Variants in SLC9C2 observed in about 807,000 individuals in gnomAD.
SLC9C2 encodes solute carrier family 9 member C2 (putative), also known as sodium/hydrogen exchanger 11.
A neutral mutation model predicts 140.2 loss-of-function variants in SLC9C2; 75 were observed. The ratio of observed to expected loss-of-function variants is 0.53; its 90% CI spans 0.44 to 0.65. The LOEUF (loss-of-function observed/expected upper bound fraction) is 0.65. SLC9C2 is among the 30% of genes least tolerant of loss of function. The probability of loss-of-function intolerance (pLI) is 0.00; values close to 1 mark genes in which losing one functional copy is unlikely to be tolerated. For synonymous variants in SLC9C2, 375 were observed against 420.9 expected (o/e 0.89, Z 1.34); for missense variants, 1,074 against 1,331.8 (o/e 0.81, Z 3.01).
rs146144836 is a variant in SLC9C2, at chr1:173,557,382, A to G, written c.1173T>C (p.Asp391=). 2.4e-3 allele frequency: 3,946 copies of G among 1,613,944 alleles called. 8 individuals carry two copies. The highest frequency in any genetic ancestry group is 3.1e-3 in the Non-Finnish European group (3,650 of 1,179,944). ...KGVFNLLWAP[D]VYNLAERKVE... is the part of the protein sequence containing the mutation. ...CTTTTCGTTCAGCGAGATTATAAAC[A>G]TCAGGAGCCCAGAGTAAATTAAAAA... The change falls in exon 10 of 28, where the codon GAT becomes GAC. Residue 391 remains aspartate (D), a synonymous_variant. Transcript: ENST00000367714.
intron 13 of SLC9C2, among the ~76,000 whole-genome samples, chr1:173,545,433 C>T (rs1207569388): frequency 1.3e-5 from 2 of 152,192 alleles, no homozygotes; most frequent in Admixed American, 1.3e-4. Flanking sequence ...TATGTGTGCC[C>T]AGATGGATTT....
intron 17 of SLC9C2, among the ~76,000 whole-genome samples, chr1:173,532,404 G>A (rs1661644678): frequency 1.3e-5 from 2 of 152,116 alleles, no homozygotes; most frequent in Non-Finnish European, 2.9e-5. Flanking sequence ...CAACTCCATT[G>A]GAAAGAGAGA....
chr1:173,505,095 G>A (rs1279396577), intron 26 of SLC9C2, 152 bp downstream of exon 26: 2 of 645,108 alleles, frequency 3.1e-6, no homozygotes, highest in Non-Finnish European at 5.4e-6. Flanking sequence ...ACCTCCCAGG[G>A]CAATGTGGCA....
At chr1:173,525,220 A>G (rs1047429924) in intron 19 of SLC9C2, among the ~76,000 whole-genome samples, 4 of 152,120 alleles carry the variant, frequency 2.6e-5, no homozygotes, top group African/African-American at 9.6e-5. Flanking sequence ...TCATGTTACT[A>G]TTTTTACTTC....
intron 23 of SLC9C2, among the ~76,000 whole-genome samples, chr1:173,515,893 T>A (rs1660382495): frequency 1.3e-5 from 2 of 152,196 alleles, no homozygotes; most frequent in Non-Finnish European, 2.9e-5. Flanking sequence ...TGCTTTCTGT[T>A]TTTCTTGCAA....
At chr1:173,519,703 C>T (rs1660667035) in intron 22 of SLC9C2, among the ~76,000 whole-genome samples, 1 of 152,206 alleles carries the variant, frequency 6.6e-6, no homozygotes, top group East Asian at 1.9e-4. Flanking sequence ...GTGTGTTTGT[C>T]CTAGAATTCT....
intron 8 of SLC9C2, 97 bp from the exon 9 acceptor site, chr1:173,573,422 G>T: frequency 1.1e-6 from 1 of 914,910 alleles, no homozygotes; most frequent in Non-Finnish European, 1.6e-6. Flanking sequence ...CTACCATGCT[G>T]TCTTAGCAGA....
chr1:173,594,924 G>C (rs1666360717), intron 4 of SLC9C2, among the ~76,000 whole-genome samples: 1 of 152,178 alleles, frequency 6.6e-6, no homozygotes, highest in Non-Finnish European at 1.5e-5. Flanking sequence ...TTTTGAGACA[G>C]AGTCTCGCTC....
chr1:173,508,875 G>A (rs1401061998), intron 24 of SLC9C2, among the ~76,000 whole-genome samples: 3 of 152,198 alleles, frequency 2.0e-5, no homozygotes, highest in Non-Finnish European at 4.4e-5. Context: ...CCTCCACAAA[G>A]ATTTTGAAAA....
At position 173,598,879 on chromosome 1, in the gene SLC9C2, G is replaced by A. The variant is rs544624381; in HGVS notation, c.229-847C>T. On this transcript the variant is annotated intron_variant, in intron 3 of 27. Transcript: ENST00000367714. ...AAGAAGCGTTTACAATCCTAGATGGGTACAAGCATTATCTCCATTTTTCAA... is the reference window on the plus strand; with the variant it reads ...AAGAAGCGTTTACAATCCTAGATGGATACAAGCATTATCTCCATTTTTCAA... Among the ~76,000 whole-genome samples, 3 of 152,284 alleles carry A rather than the reference G, an allele frequency of 2.0e-5. No individual in the cohort carries two copies. In the South Asian group the frequency reaches 6.2e-4, roughly 32 times the overall value.
chr1:173,518,693 A>G (rs913450382), intron 22 of SLC9C2, among the ~76,000 whole-genome samples: 1 of 152,186 alleles, frequency 6.6e-6, no homozygotes, highest in East Asian at 1.9e-4. Context: ...CTTGTTCAAG[A>G]CACAGGAAAC....
rs1192155195 is a variant in SLC9C2 at position 173,524,841 on chromosome 1, T to G, written c.2452A>C (p.Asn818His). 3 of 1,613,954 alleles carry G rather than the reference T, an allele frequency of 1.9e-6. No homozygotes were observed. The highest frequency in any genetic ancestry group is 2.5e-6 in the Non-Finnish European group (3 of 1,179,978). Reference sequence around the variant, plus strand: ...CCTCTTGAACAAAGGAAGGTGAGATTTTTTAGAGCTTTAGCAATCACATTC... The same window carrying G: ...CCTCTTGAACAAAGGAAGGTGAGATGTTTTAGAGCTTTAGCAATCACATTC... ...IRNVIAKALK[N>H]LTFLCSRGII... The change falls in exon 20 of 28, where the codon AAT becomes CAT. Residue 818 changes from asparagine to histidine, a missense_variant. By Grantham distance (68) the Asn-to-His change is moderately conservative. Transcript: ENST00000367714.
chr1:173,575,269 G>C (rs527725636), intron 8 of SLC9C2, among the ~76,000 whole-genome samples: 1 of 152,132 alleles, frequency 6.6e-6, no homozygotes, highest in Admixed American at 6.5e-5. Context: ...TTCTGAGAAG[G>C]GACTTATTTT....
intron 9 of SLC9C2, among the ~76,000 whole-genome samples, chr1:173,566,084 C>T (rs947672717): frequency 1.3e-5 from 2 of 151,854 alleles, no homozygotes; most frequent in African/African-American, 4.8e-5. Flanking sequence ...TGTTTGCTTA[C>T]ATTTTGTTGA....
chr1:173,544,318 A>G (rs1662673484), intron 13 of SLC9C2, among the ~76,000 whole-genome samples: 1 of 152,222 alleles, frequency 6.6e-6, no homozygotes, highest in South Asian at 2.1e-4. Flanking sequence ...ATGCCATCTC[A>G]CACCAGTTAG....
intron 9 of SLC9C2, among the ~76,000 whole-genome samples, chr1:173,564,545 A>G (rs1174775633): frequency 6.6e-6 from 1 of 151,958 alleles, no homozygotes; most frequent in Non-Finnish European, 1.5e-5. Flanking sequence ...TTTTTTAATC[A>G]GATTGTTAGA....
intron 9 of SLC9C2, among the ~76,000 whole-genome samples, chr1:173,570,253 T>C (rs777474566): frequency 2.0e-5 from 3 of 152,144 alleles, no homozygotes; most frequent in Non-Finnish European, 2.9e-5. Context: ...AAGAGCTCTT[T>C]AGTCAGCAGG....
chr1:173,576,216 C>T (rs1300643399), intron 8 of SLC9C2, among the ~76,000 whole-genome samples: 1 of 152,170 alleles, frequency 6.6e-6, no homozygotes, highest in Admixed American at 6.5e-5. Flanking sequence ...GATTTTCCCC[C>T]TATCCAGAGA....
intron 13 of SLC9C2, among the ~76,000 whole-genome samples, chr1:173,539,749 G>A (rs753556239): frequency 6.6e-6 from 1 of 152,132 alleles, no homozygotes; most frequent in Non-Finnish European, 1.5e-5. Context: ...AGTTCATAGA[G>A]GAGACTGAAA....
Sources: gnomAD v4.1 joint callset for allele counts (sites outside exome capture counted in the v4.1 genomes callset) on GRCh38, gnomAD v4.1.1 for gene constraint, MANE v1.5 for transcripts, NCBI Gene and HGNC (gene_info 2026-07-23, HGNC 2026-07-21) for gene names.